TRAP1: variants seen among roughly 807,000 people sequenced by gnomAD.
The protein encoded by TRAP1 is heat shock protein 75 kDa, mitochondrial.
A neutral mutation model predicts 89.1 loss-of-function variants in TRAP1; 102 were observed. That is an observed-to-expected ratio of 1.15 (90% CI 0.98 to 1.35). TRAP1 has a LOEUF of 1.35. Among genes scored for constraint, TRAP1 ranks in the 40% most tolerant of loss-of-function variants. The pLI is 0.00. For synonymous variants in TRAP1, 508 were observed against 388.0 expected, an observed-to-expected ratio of 1.31 and a Z score of -3.64; for missense variants, 1,256 against 945.3, an observed-to-expected ratio of 1.33 and a Z score of -4.31.
Position 3,715,799 on chromosome 16 carries a change from A to C in TRAP1, c.88+1622T>G, listed in dbSNP as rs191050806. ...CCACCTCATAAAGACAAAAAAATAA[A>C]TAAATAATTGATCAGACACTGGTGC... On this transcript the variant is annotated intron_variant, in intron 1 of 17. Coordinates refer to ENST00000246957, the MANE Select transcript of TRAP1 (RefSeq NM_016292.3). Among the ~76,000 whole-genome samples the C allele has an allele frequency of 2.6e-5, 4 of 152,276 alleles. No homozygotes were observed. In the East Asian group the frequency reaches 7.7e-4, roughly 29 times the overall value.
At position 3,689,221 on chromosome 16, in the gene TRAP1, C is replaced by G. The variant is rs1017092601; in HGVS notation, c.248-84G>C. The G allele has an allele frequency of 2.9e-6, 3 of 1,046,608 alleles. No homozygotes were observed. In the Admixed American group the frequency reaches 7.3e-5, roughly 25 times the overall value. The allele number at this position is 1,046,608 out of a possible 1,614,324, so 64.8% of individuals were successfully genotyped here. On this transcript the variant is annotated intron_variant, in intron 2 of 17. Coordinates refer to ENST00000246957, the MANE Select transcript of TRAP1 (RefSeq NM_016292.3). ...ACGCTACGTCACATTCCAAAGAAAGCTTAAGTTTATGAGTTTTAAACTTTT... is the reference window on the plus strand; with the variant it reads ...ACGCTACGTCACATTCCAAAGAAAGGTTAAGTTTATGAGTTTTAAACTTTT...
chr16:3,702,446 C>T (rs2051379005), intron 1 of TRAP1, among the ~76,000 whole-genome samples: 1 of 151,394 alleles, frequency 6.6e-6, no homozygotes, highest in Admixed American at 6.6e-5. Flanking sequence ...AGAGGCAGAT[C>T]ATTTTAAAGA....
chr16:3,684,093 G>C (rs1037218194), intron 4 of TRAP1, among the ~76,000 whole-genome samples: 1 of 152,010 alleles, frequency 6.6e-6, no homozygotes, highest in African/African-American at 2.4e-5. Context: ...TTAAATCCGG[G>C]GGGCAGAGGC....
intron 16 of TRAP1, chr16:3,659,764 G>GATAA (rs1471865641): frequency 1.3e-5 from 2 of 150,948 alleles, no homozygotes. Flanking sequence ...TAGATAGATA[G>GATAA]ATAGATAGAT....
Position 3,692,311 on chromosome 16 carries a change from G to A in TRAP1, c.89-1326C>T, listed in dbSNP as rs535651626. Among the ~76,000 whole-genome samples, 17 of 152,164 alleles carry A rather than the reference G, an allele frequency of 1.1e-4. No homozygotes were observed. The East Asian group carries it at 1.6e-3, about 14-fold the overall frequency. On this transcript the variant is annotated intron_variant, in intron 1 of 17. Coordinates refer to ENST00000246957, the MANE Select transcript of TRAP1 (RefSeq NM_016292.3). ...AGCACTTTGGGAGGCTGAGGTAGGC[G>A]GATCACATGAGGTCAGGAGTTCGAG...
chr16:3,717,371 G>T, intron 1 of TRAP1, 50 bp downstream of exon 1: 1 of 769,948 alleles, frequency 1.3e-6, no homozygotes, highest in Non-Finnish European at 1.8e-6. Flanking sequence ...CGTCCCTGCC[G>T]TCTCCGTGGC....
chr16:3,662,012 G>A lies in TRAP1; in HGVS notation c.1915C>T (p.Gln639Ter). Residue 639 changes from glutamine to a stop codon, truncating the protein, a stop_gained, in exon 16 of 18, where the codon CAG (glutamine) becomes TAG (stop). Coordinates refer to ENST00000246957, the MANE Select transcript of TRAP1 (RefSeq NM_016292.3). LOFTEE classifies it high-confidence loss of function. ...CTGGGGTTGATCTCCAGCGTGGGCT[G>A]CAGGAGCTGTGCGCGCTCCTCCTGG... ...KTQEERAQLL[Q>*]PTLEINPRHA... is the part of the protein sequence containing the mutation. 1 of 1,611,022 alleles carries A rather than the reference G, an allele frequency of 6.2e-7. No homozygotes were observed.
rs2050740597 is a variant in TRAP1 at position 3,663,517 on chromosome 16, G to C, written c.1615C>G (p.Leu539Val). ...EQFDELTLLH[L>V]REFDKKKLIS... ...AGCTTCTTCTTGTCAAACTCACGAA[G>C]GTGCAGCAGGGTGAGCTCATCAAAC... The change falls in exon 14 of 18, where the codon CTT (leucine) becomes GTT (valine). Residue 539 changes from leucine to valine, a missense_variant. Transcript: ENST00000246957. 2.5e-6 allele frequency: 4 copies of C among 1,614,100 alleles called. No individual in the cohort carries two copies. Among genetic ancestry groups the C allele is most frequent in the Non-Finnish European group, 3.4e-6 (4 of 1,180,018 alleles).
chr16:3,667,575 A>G (rs1009531298), intron 11 of TRAP1, among the ~76,000 whole-genome samples: 16 of 151,504 alleles, frequency 1.1e-4, no homozygotes, highest in African/African-American at 3.6e-4. Flanking sequence ...CGGTGAGCCA[A>G]TACCTCGCCA....
intron 1 of TRAP1, among the ~76,000 whole-genome samples, chr16:3,713,170 C>A (rs1271677603): frequency 6.6e-6 from 1 of 152,174 alleles, no homozygotes; most frequent in Non-Finnish European, 1.5e-5. Context: ...CTGAAAAGAA[C>A]AGCCGGAGAG....
chr16:3,668,448 A>G (rs1195017543), intron 11 of TRAP1, among the ~76,000 whole-genome samples: 1 of 152,190 alleles, frequency 6.6e-6, no homozygotes, highest in African/African-American at 2.4e-5. Flanking sequence ...TACCTATAAC[A>G]TCTGTTAATT....
chr16:3,668,158 G>A (rs1326339996), intron 11 of TRAP1, among the ~76,000 whole-genome samples: 1 of 151,786 alleles, frequency 6.6e-6, no homozygotes, highest in East Asian at 1.9e-4. Context: ...TCCTGACCTC[G>A]TGATCCACCC....
In TRAP1 at chr16:3,682,702, A is replaced by G. The variant is rs142479248; in HGVS notation, c.472-2912T>C. ...GCCACCATGCCTGGCAAAAAAAATA[A>G]TTTTTTTAAAGTTAGCCAGGCATGG... On this transcript the variant is annotated intron_variant, in intron 4 of 17. Transcript: ENST00000246957. Among the ~76,000 whole-genome samples, 9 of 152,116 alleles carry G rather than the reference A, an allele frequency of 5.9e-5. No individual in the cohort carries two copies. The East Asian group carries it at 1.7e-3, about 30-fold the overall frequency.
intron 11 of TRAP1, among the ~76,000 whole-genome samples, chr16:3,670,382 C>CAAAAAAAA (rs760902038): frequency 0.033 from 757 of 22,806 alleles, 171 homozygotes; most frequent in African/African-American, 0.078. Flanking sequence ...GACTCCGTCT[C>CAAAAAAAA]AAAAAAAAAA....
At chr16:3,704,395 T>A (rs971140762) in intron 1 of TRAP1, 14 of 151,896 alleles carry the variant, frequency 9.2e-5, no homozygotes, top group Non-Finnish European at 1.8e-4. Context: ...ACGAGAAACA[T>A]AAACACATTT....
At chr16:3,677,787 C>A in intron 5 of TRAP1, 129 bp from the exon 6 acceptor site, 1 of 1,103,164 alleles carries the variant, frequency 9.1e-7, no homozygotes, top group Non-Finnish European at 1.3e-6. Flanking sequence ...AGTACTTTTC[C>A]ACCCCATTCT....
In TRAP1 at chr16:3,658,191, C is replaced by T. The variant is rs61756352; in HGVS notation, c.2053G>A (p.Asp685Asn). Residue 685 changes from aspartate to asparagine, a missense_variant, in exon 18 of 18, where the codon GAC (aspartate) becomes AAC (asparagine). Physicochemically the swap from Asp to Asn is conservative, Grantham distance 23. Transcript: ENST00000246957. The stretch of plus-strand genomic sequence containing the variant: ...AAGCGGCCCACCATGGCCCTAGGGT[C>T]GTCAACAAGTCCAGCAGCAATCATG... ...NAMIAAGLVD[D>N]PRAMVGRLNE... is the part of the protein sequence containing the mutation. 3.0e-3 allele frequency: 4,875 copies of T among 1,613,918 alleles called. 22 individuals are homozygous for T. Among genetic ancestry groups the T allele is most frequent in the Non-Finnish European group, 3.8e-3 (4,474 of 1,179,968 alleles).
chr16:3,700,459 G>A (rs182854358), intron 1 of TRAP1, among the ~76,000 whole-genome samples: 227 of 150,112 alleles, frequency 1.5e-3, no homozygotes, highest in Non-Finnish European at 2.7e-3. Flanking sequence ...GAGCCACCAC[G>A]CCCAGACTTT....
intron 16 of TRAP1, chr16:3,660,264 C>T (rs550362861): frequency 3.8e-4 from 58 of 152,312 alleles, no homozygotes; most frequent in African/African-American, 1.3e-3. Flanking sequence ...ACTGGGGACA[C>T]AGGTAGGAGG....
Sources: gnomAD v4.1 joint callset for allele counts (sites outside exome capture counted in the v4.1 genomes callset) on GRCh38, gnomAD v4.1.1 for gene constraint, MANE v1.5 for transcripts, NCBI Gene and HGNC (gene_info 2026-07-23, HGNC 2026-07-21) for gene names.